NLGN4X: variants seen among roughly 807,000 people sequenced by gnomAD.
NLGN4X encodes the protein neuroligin-4, X-linked.
NLGN4X carries 3 observed loss-of-function variants against 40.3 expected under a neutral mutation model. The ratio of observed to expected loss-of-function variants is 0.07; its 90% CI spans 0.03 to 0.19. The LOEUF (loss-of-function observed/expected upper bound fraction) is 0.19, where lower values mean the gene tolerates loss of function less well. Ranked by LOEUF, NLGN4X falls within the 10% of genes least tolerant of loss-of-function variation. NLGN4X has a pLI of 1.00. For synonymous variants in NLGN4X, 270 were observed against 306.8 expected, an observed-to-expected ratio of 0.88 and a Z score of 1.25; for missense variants, 382 against 708.3, an observed-to-expected ratio of 0.54 and a Z score of 5.23.
chrX:6,036,608 G>GCACA (rs202140186), intron 2 of NLGN4X, among the ~76,000 whole-genome samples: 2,560 of 75,598 alleles, frequency 0.034, 40 homozygotes, highest in African/African-American at 0.071. Flanking sequence ...CTTGTGGCTG[G>GCACA]CGCACACACA....
intron 3 of NLGN4X, among the ~76,000 whole-genome samples, chrX:5,917,944 C>G (rs2032874634): frequency 9.0e-6 from 1 of 111,632 alleles, no homozygotes; most frequent in African/African-American, 3.3e-5. Context: ...TTTATTCAAT[C>G]TGCTTACTAA....
At chrX:5,993,193 T>A (rs985980570) in intron 3 of NLGN4X, among the ~76,000 whole-genome samples, 5 of 111,134 alleles carry the variant, frequency 4.5e-5, no homozygotes, top group Admixed American at 3.9e-4. Context: ...CTTGGACTTA[T>A]ATCCATTAGA....
At chrX:6,155,779 A>T (rs1286494030) in intron 1 of NLGN4X, among the ~76,000 whole-genome samples, 19 of 112,724 alleles carry the variant, frequency 1.7e-4, no homozygotes. Flanking sequence ...TAAATCTAAA[A>T]ATGAAATCCC....
chrX:6,146,679 T>G (rs896643078), intron 2 of NLGN4X, among the ~76,000 whole-genome samples: 2 of 92,265 alleles, frequency 2.2e-5, no homozygotes, highest in African/African-American at 8.5e-5. Context: ...ATCTTCCTTT[T>G]TCAATTGTAT....
chrX:6,125,580 A>G (rs2039525595), intron 2 of NLGN4X, among the ~76,000 whole-genome samples: 1 of 111,347 alleles, frequency 9.0e-6, no homozygotes, highest in Non-Finnish European at 1.9e-5. Context: ...CCCTGGTATT[A>G]AAAAAAGAAA....
At chrX:6,048,667 A>G (rs1001369680) in intron 2 of NLGN4X, among the ~76,000 whole-genome samples, 1 of 111,481 alleles carries the variant, frequency 9.0e-6, no homozygotes, top group African/African-American at 3.3e-5. Flanking sequence ...TGCAGCCATA[A>G]AACAGAACAA....
chrX:6,084,382 C>T (rs918037911), intron 2 of NLGN4X, among the ~76,000 whole-genome samples: 1 of 111,246 alleles, frequency 9.0e-6, no homozygotes, highest in Admixed American at 9.5e-5. Flanking sequence ...GGCTGACTGG[C>T]CATTGGACAC....
chrX:5,929,266 C>T (rs1236789088), intron 3 of NLGN4X, among the ~76,000 whole-genome samples: 1 of 110,929 alleles, frequency 9.0e-6, no homozygotes, highest in African/African-American at 3.3e-5. Flanking sequence ...AGTTCGAGAC[C>T]AGCCTGGCCA....
At chrX:6,032,641 T>C (rs759483593) in intron 2 of NLGN4X, 16 of 826,240 alleles carry the variant, frequency 1.9e-5, no homozygotes, top group Admixed American at 2.9e-5. Context: ...GAGAGATAGA[T>C]AGATATAAAA....
At chrX:6,063,641 A>G (rs1161932007) in intron 2 of NLGN4X, among the ~76,000 whole-genome samples, 2 of 112,285 alleles carry the variant, frequency 1.8e-5, no homozygotes, top group African/African-American at 6.5e-5. Context: ...ATAATAACTG[A>G]AAGAATTAAT....
intron 3 of NLGN4X, among the ~76,000 whole-genome samples, chrX:5,990,946 C>A (rs1342667741): frequency 8.9e-6 from 1 of 112,224 alleles, no homozygotes; most frequent in Non-Finnish European, 1.9e-5. Context: ...CAGCCTTGCA[C>A]CACGCAAGCT....
At chrX:6,225,895 C>T (rs1177391180) in intron 1 of NLGN4X, among the ~76,000 whole-genome samples, 24 of 75,763 alleles carry the variant, frequency 3.2e-4, no homozygotes, top group Admixed American at 3.1e-3. Context: ...ACCACCGCCC[C>T]CCCCAAAAAA....
At chrX:6,162,619 A>T (rs2040422740) in intron 1 of NLGN4X, among the ~76,000 whole-genome samples, 1 of 110,921 alleles carries the variant, frequency 9.0e-6, no homozygotes, top group Non-Finnish European at 1.9e-5. Flanking sequence ...CTGTTGTGGG[A>T]CCTTGTGATC....
intron 3 of NLGN4X, among the ~76,000 whole-genome samples, chrX:6,013,495 A>T (rs1320183707): frequency 9.3e-6 from 1 of 107,305 alleles, no homozygotes; most frequent in African/African-American, 3.3e-5. Context: ...ACGGCTAATC[A>T]TTCAGAAACT....
intron 3 of NLGN4X, among the ~76,000 whole-genome samples, chrX:5,982,148 T>C (rs1057072451): frequency 2.7e-5 from 3 of 111,831 alleles, no homozygotes; most frequent in African/African-American, 6.5e-5. Flanking sequence ...CACTCAAATA[T>C]TGATTGAAAA....
intron 2 of NLGN4X, among the ~76,000 whole-genome samples, chrX:6,129,400 C>T (rs1410582091): frequency 9.0e-6 from 1 of 111,333 alleles, no homozygotes; most frequent in Non-Finnish European, 1.9e-5. Flanking sequence ...AGAGAGTACA[C>T]ATTGCAGGCA....
intron 3 of NLGN4X, among the ~76,000 whole-genome samples, chrX:6,015,794 G>C (rs1217299716): frequency 8.9e-6 from 1 of 112,095 alleles, no homozygotes; most frequent in African/African-American, 3.2e-5. Context: ...CGGGATAGCA[G>C]TGGACTGTCA....
chrX:6,196,463 A>G (rs1257814462), intron 1 of NLGN4X, among the ~76,000 whole-genome samples: 1 of 102,428 alleles, frequency 9.8e-6, no homozygotes, highest in Non-Finnish European at 2.0e-5. Flanking sequence ...GAGGCAGGAG[A>G]ATGGCGTGAA....
At chrX:6,226,766 G>A (rs1926389865) in intron 1 of NLGN4X, 1 of 119,078 alleles carries the variant, frequency 8.4e-6, no homozygotes, top group South Asian at 2.6e-4. Flanking sequence ...CAGAGGCGGA[G>A]GGAGCAGCCG....
Sources: allele counts gnomAD v4.1 joint callset (sites outside exome capture counted in the v4.1 genomes callset), GRCh38; gene constraint gnomAD v4.1.1; transcripts MANE v1.5; gene names NCBI Gene and HGNC (gene_info 2026-07-23, HGNC 2026-07-21).